The following ACSL1 variants were observed in gnomAD, a reference collection of about 807,000 sequenced individuals.
The protein encoded by ACSL1 is acyl-CoA synthetase long chain family member 1, also known as long-chain-fatty-acid--CoA ligase 1.
ACSL1 carries 41 observed loss-of-function variants against 98.4 expected under a neutral mutation model. The observed-to-expected ratio is 0.42, with a 90% CI of 0.32 to 0.54. The LOEUF (loss-of-function observed/expected upper bound fraction) is 0.54. ACSL1 is among the 20% of genes least tolerant of loss of function. The probability of loss-of-function intolerance (pLI) is 0.13; values close to 1 mark genes in which losing one functional copy is unlikely to be tolerated. For synonymous variants in ACSL1, 316 were observed against 322.7 expected (o/e 0.98, Z 0.22); for missense variants, 734 against 883.1 (o/e 0.83, Z 2.14).
At chr4:184,808,212 T>C in intron 1 of ACSL1, 2 of 725,408 alleles carry the variant, frequency 2.8e-6, no homozygotes, top group Non-Finnish European at 3.4e-6. Context: ...AAGGACATCA[T>C]TCTCTTGAAG....
intron 12 of ACSL1, 72 bp downstream of exon 12, chr4:184,768,244 A>G: frequency 6.7e-7 from 1 of 1,499,416 alleles, no homozygotes; most frequent in Non-Finnish European, 9.0e-7. Flanking sequence ...CACATGGCAC[A>G]GCCCAATTCA....
rs1561164757 is a variant in ACSL1, at chr4:184,756,899, T to C, written c.*226A>G. ...TCCCCTTTACAATTTTTAAGGCTCA[T>C]TTTGGAAAGTGTGTATTACCATAAA... On this transcript the variant is annotated 3_prime_UTR_variant, in exon 21 of 21. Transcript: ENST00000281455. The C allele has an allele frequency of 9.2e-6, 4 of 436,920 alleles. No individual in the cohort carries two copies. Among genetic ancestry groups the C allele is most frequent in the Non-Finnish European group, 1.2e-5 (3 of 251,366 alleles). 27.1% of individuals were successfully genotyped at this position (436,920 alleles called of 1,614,324 possible). A position where few individuals can be genotyped will look rare whatever the true frequency, so the allele number is the denominator to read the frequency against.
chr4:184,768,729 C>T (rs745512358), intron 11 of ACSL1, among the ~76,000 whole-genome samples: 6 of 152,088 alleles, frequency 3.9e-5, no homozygotes, highest in African/African-American at 1.2e-4. Flanking sequence ...TCTTTTAGTG[C>T]GGTGGTAAGT....
intron 1 of ACSL1, among the ~76,000 whole-genome samples, chr4:184,824,792 T>C (rs530878586): frequency 6.6e-6 from 1 of 152,236 alleles, no homozygotes; most frequent in South Asian, 2.1e-4. Context: ...AAACTTTAAG[T>C]TTTAGCCAGC....
chr4:184,782,099 C>A (rs1481291201), intron 4 of ACSL1, among the ~76,000 whole-genome samples: 1 of 152,124 alleles, frequency 6.6e-6, no homozygotes, highest in African/African-American at 2.4e-5. Context: ...TAGGATGACA[C>A]AAACAGGCTC....
At chr4:184,807,657 A>G (rs10471180) in intron 1 of ACSL1, among the ~76,000 whole-genome samples, 26,673 of 152,206 alleles carry the variant, frequency 0.18, 5,785 homozygotes, top group African/African-American at 0.51. Context: ...GTCAGAAACC[A>G]AAATCCTGGT....
At chr4:184,819,464 T>G (rs775669295) in intron 1 of ACSL1, among the ~76,000 whole-genome samples, 28 of 152,094 alleles carry the variant, frequency 1.8e-4, no homozygotes, top group South Asian at 2.1e-4. Context: ...AACACAAACT[T>G]TATCCCAGCA....
At chr4:184,778,403 G>A (rs1432846316) in intron 5 of ACSL1, among the ~76,000 whole-genome samples, 1 of 152,200 alleles carries the variant, frequency 6.6e-6, no homozygotes, top group Admixed American at 6.5e-5. Context: ...TTAGGCACAT[G>A]TGACGCATGA....
At chr4:184,820,218 C>A (rs532455038) in intron 1 of ACSL1, among the ~76,000 whole-genome samples, 1 of 152,130 alleles carries the variant, frequency 6.6e-6, no homozygotes, top group Admixed American at 6.6e-5. Context: ...AGGGTTGCAC[C>A]GTGTTAGCCA....
In ACSL1 at chr4:184,803,391, A is replaced by G; in HGVS notation, c.124T>C (p.Phe42Leu). Residue 42 changes from phenylalanine (F) to leucine (L), a missense_variant, in exon 2 of 21, where the codon TTC becomes CTC. Phe to Leu is a conservative substitution (Grantham distance 22). Coordinates refer to ENST00000281455, the MANE Select transcript of ACSL1 (RefSeq NM_001995.5). This position sits in a 1 kb window ranked among gnomAD's most constrained non-coding sequence, Gnocchi z 4.8. ...GGTTTGGGTCTCGTGGCGTACCAGA[A>G]GGTGGTGAGTGCTGCAAAAGCTCCG... is the stretch of plus-strand genomic sequence containing the variant. ...GFGAFAALTT[F>L]WYATRPKPLK... 6.2e-7 allele frequency: 1 copy of G among 1,613,898 alleles called. No homozygotes were observed. The highest frequency in any genetic ancestry group is 8.5e-7 in the Non-Finnish European group (1 of 1,179,924).
intron 15 of ACSL1, among the ~76,000 whole-genome samples, chr4:184,764,168 CG>C (rs1374995114): frequency 6.6e-6 from 1 of 152,158 alleles, no homozygotes; most frequent in Non-Finnish European, 1.5e-5. Flanking sequence ...GCAGTCAGGC[CG>C]GGGTTGAAAT....
At chr4:184,810,039 A>G (rs1771889367) in intron 1 of ACSL1, among the ~76,000 whole-genome samples, 1 of 152,236 alleles carries the variant, frequency 6.6e-6, no homozygotes, top group South Asian at 2.1e-4. Context: ...ACAAGAACAC[A>G]TTTGAATGAT....
At chr4:184,780,764 GA>G (rs1766111838) in intron 4 of ACSL1, among the ~76,000 whole-genome samples, 1 of 152,100 alleles carries the variant, frequency 6.6e-6, no homozygotes, top group African/African-American at 2.4e-5. Context: ...AAATGATAGA[GA>G]GATGGATTTG....
At chr4:184,811,320 G>C (rs556014185) in intron 1 of ACSL1, among the ~76,000 whole-genome samples, 1 of 151,912 alleles carries the variant, frequency 6.6e-6, no homozygotes, top group Non-Finnish European at 1.5e-5. Context: ...CACCGTGTTG[G>C]CCAGGATGGT....
At chr4:184,783,401 G>A (rs1275168135) in intron 4 of ACSL1, among the ~76,000 whole-genome samples, 1 of 152,178 alleles carries the variant, frequency 6.6e-6, no homozygotes, top group East Asian at 1.9e-4. Flanking sequence ...CACAGGTGGT[G>A]AGTTGGCCAA....
chr4:184,760,108 A>G (rs536207650), intron 18 of ACSL1, among the ~76,000 whole-genome samples: 2 of 152,172 alleles, frequency 1.3e-5, no homozygotes, highest in Non-Finnish European at 2.9e-5. Flanking sequence ...CAGTATGTTT[A>G]TCCAACCTCC....
Position 184,803,715 on chromosome 4 carries a change from T to C in ACSL1, c.-32-169A>G, listed in dbSNP as rs548237165. ...TTTCCTGGCTGTCAAGTGTCATTTTTCTAAAAACACTTTAGGATTTCATTT... is the reference window on the plus strand; with the variant it reads ...TTTCCTGGCTGTCAAGTGTCATTTTCCTAAAAACACTTTAGGATTTCATTT... On this transcript the variant is annotated intron_variant, in intron 1 of 20. Transcript: ENST00000281455. The surrounding 1 kb of genome is among the most constrained non-coding windows in gnomAD (Gnocchi z 4.8). Among the ~76,000 whole-genome samples, 1 of 152,322 alleles carries C rather than the reference T, an allele frequency of 6.6e-6. No individual in the cohort carries two copies. The highest frequency in any genetic ancestry group is 2.1e-4 in the South Asian group (1 of 4,826).
At chr4:184,768,067 C>A (rs1313152493) in intron 12 of ACSL1, 3 of 476,060 alleles carry the variant, frequency 6.3e-6, no homozygotes, top group Non-Finnish European at 1.1e-5. Flanking sequence ...AATAAAATGA[C>A]CTCCCACATT....
At chr4:184,780,524 A>G (rs1766074266) in intron 4 of ACSL1, 91 bp from the exon 5 acceptor site, 5 of 873,040 alleles carry the variant, frequency 5.7e-6, no homozygotes, top group African/African-American at 1.6e-5. Context: ...CTCAGCCAGC[A>G]AGCAATGCTG....
Sources: gnomAD v4.1 joint callset for allele counts (sites outside exome capture counted in the v4.1 genomes callset) on GRCh38, gnomAD v4.1.1 for gene constraint, Gnocchi (gnomAD v3.1) non-coding constraint, MANE v1.5 for transcripts, NCBI Gene and HGNC (gene_info 2026-07-23, HGNC 2026-07-21) for gene names.